The following LMF2 variants were observed in gnomAD, a reference collection of about 807,000 sequenced individuals.
LMF2 encodes the protein transmembrane protein 112B.
A neutral mutation model predicts 81.5 loss-of-function variants in LMF2; 113 were observed. The ratio of observed to expected loss-of-function variants is 1.39; its 90% CI spans 1.19 to 1.62. The LOEUF (loss-of-function observed/expected upper bound fraction) is 1.62, where lower values mean the gene tolerates loss of function less well. Among genes scored for constraint, LMF2 ranks in the 40% most tolerant of loss-of-function variants. The pLI is 0.00. For missense variants in LMF2, 1,235 were observed against 929.1 expected, an observed-to-expected ratio of 1.33 and a Z score of -4.28; for synonymous variants, 645 against 424.5, an observed-to-expected ratio of 1.52 and a Z score of -6.39.
intron 10 of LMF2, 25 bp downstream of exon 10, chr22:50,504,777 C>A: frequency 6.2e-7 from 1 of 1,603,826 alleles, no homozygotes; most frequent in Non-Finnish European, 8.5e-7. Context: ...GGCCCCACCA[C>A]CCTGCCCGCC....
At position 50,506,371 on chromosome 22, in the gene LMF2, A is replaced by G. The variant is rs755349560; in HGVS notation, c.509T>C (p.Leu170Pro). ...GAGGCGGAACAGCAGCCATCGCACC[A>G]GCCAGAAGGGGAGGTCTTCGTGGGG... ...ALPHEDLPFW[L>P]VRWLLFRLMF... is the part of the protein sequence containing the mutation. The change falls in exon 4 of 14, where the codon CTG (leucine) becomes CCG (proline). Residue 170 changes from leucine to proline, a missense_variant. Physicochemically the swap from Leu to Pro is moderately conservative, Grantham distance 98 (BLOSUM62 -3). Coordinates refer to ENST00000474879, the MANE Select transcript of LMF2 (RefSeq NM_033200.3). 1 of 1,549,816 alleles carries G rather than the reference A, an allele frequency of 6.5e-7. No individual in the cohort carries two copies. Among genetic ancestry groups the G allele is most frequent in the Middle Eastern group, 1.7e-4 (1 of 5,992 alleles).
chr22:50,504,779 C>A, intron 10 of LMF2, 23 bp downstream of exon 10: 1 of 1,603,916 alleles, frequency 6.2e-7, no homozygotes. Flanking sequence ...CCCCACCACC[C>A]TGCCCGCCCT....
rs566196885 is a variant in LMF2 at position 50,505,572 on chromosome 22, TC to T, written c.917-36del. 8.1e-5 allele frequency: 130 copies of T among 1,611,626 alleles called. No individual in the cohort carries two copies. In the African/African-American group the frequency reaches 1.2e-3, roughly 15 times the overall value. On this transcript the variant is annotated intron_variant, in intron 6 of 13. Transcript: ENST00000474879. ...AGGACAGTCATGGGTCAGCAGAGGG[TC>T]CCCAGCCAGGGGGCTGGGGTGCAGC...
At position 50,503,390 on chromosome 22, in the gene LMF2, G is replaced by A. The variant is rs753793468; in HGVS notation, c.*1C>T. On this transcript the variant is annotated 3_prime_UTR_variant, in exon 14 of 14. Transcript: ENST00000474879. ...CAGGACGTGCAGCTGGGAGAACACA[G>A]CTACTTCTTTCGCCGGGTGGTCCTC... 1.9e-6 allele frequency: 3 copies of A among 1,610,700 alleles called. No homozygotes were observed. In the South Asian group the frequency reaches 3.3e-5, roughly 18 times the overall value.
At position 50,503,050 on chromosome 22, in the gene LMF2, G is replaced by T; in HGVS notation, c.*341C>A. The T allele has an allele frequency of 3.4e-6, 1 of 294,926 alleles. No individual in the cohort carries two copies. Among genetic ancestry groups the T allele is most frequent in the Non-Finnish European group, 6.3e-6 (1 of 158,650 alleles). The allele number at this position is 294,926 out of a possible 1,614,324, so 18.3% of individuals were successfully genotyped here. On this transcript the variant is annotated 3_prime_UTR_variant, in exon 14 of 14. Coordinates refer to ENST00000474879, the MANE Select transcript of LMF2 (RefSeq NM_033200.3). ...ATGACAGTGCTTCCCCTCTTCCCCT[G>T]GGAGTCAGCCTCTTCCCCTCTGGCA...
chr22:50,507,086 A>T, intron 1 of LMF2, 51 bp from the exon 2 acceptor site: 3 of 1,540,504 alleles, frequency 1.9e-6, no homozygotes, highest in Non-Finnish European at 2.6e-6. Context: ...TGCAGACTAG[A>T]CTACCTCTGA....
chr22:50,503,390 G>C lies in LMF2; in HGVS notation c.*1C>G. The stretch of plus-strand genomic sequence containing the variant: ...CAGGACGTGCAGCTGGGAGAACACA[G>C]CTACTTCTTTCGCCGGGTGGTCCTC... On this transcript the variant is annotated 3_prime_UTR_variant, in exon 14 of 14. Transcript: ENST00000474879. The C allele has an allele frequency of 1.2e-6, 2 of 1,610,700 alleles. No homozygotes were observed. Among genetic ancestry groups the C allele is most frequent in the Non-Finnish European group, 1.7e-6 (2 of 1,179,110 alleles).
intron 11 of LMF2, 23 bp downstream of exon 11, chr22:50,504,536 C>T: frequency 6.5e-7 from 1 of 1,538,114 alleles, no homozygotes; most frequent in South Asian, 1.2e-5. Context: ...GCCCACTCCA[C>T]ACCCCCCAAG....
At position 50,505,346 on chromosome 22, in the gene LMF2, G is replaced by A. The variant is rs533455222; in HGVS notation, c.1052-12C>T. The A allele has an allele frequency of 3.1e-6, 5 of 1,613,202 alleles. No individual in the cohort carries two copies. In the East Asian group the frequency reaches 6.7e-5, roughly 22 times the overall value. On this transcript the variant is annotated splice_polypyrimidine_tract_variant and intron_variant, in intron 7 of 13. Coordinates refer to ENST00000474879, the MANE Select transcript of LMF2 (RefSeq NM_033200.3). ...GTGGAAGGTGAAAGCTGGTGGAGGA[G>A]GGGGGTGTGAGGACTGGTCCGCCCC...
chr22:50,506,303 C>T lies in LMF2; in HGVS notation c.577G>A (p.Ala193Thr), dbSNP rs1161838284. 10 of 1,549,488 alleles carry T rather than the reference C, an allele frequency of 6.5e-6. No individual in the cohort carries two copies. The highest frequency in any genetic ancestry group is 8.7e-6 in the Non-Finnish European group (10 of 1,146,620). Reference sequence around the variant, plus strand: ...CCCTCACCAGTGAGCCCCCACCACGCAGGGCAGCGGCTGGTCAGCTTGACC... The same window carrying T: ...CCCTCACCAGTGAGCCCCCACCACGTAGGGCAGCGGCTGGTCAGCTTGACC... ...GVVKLTSRCP[A>T]WWGLTALTYH... Residue 193 changes from alanine to threonine, a missense_variant, in exon 4 of 14, where the codon GCG becomes ACG. By Grantham distance (58) the Ala-to-Thr change is moderately conservative. Transcript: ENST00000474879.
At chr22:50,505,590 G>C in intron 6 of LMF2, 53 bp from the exon 7 acceptor site, 1 of 1,611,722 alleles carries the variant, frequency 6.2e-7, no homozygotes, top group South Asian at 1.1e-5. Flanking sequence ...CAGGGGGCTG[G>C]GGTGCAGCTA....
At chr22:50,505,873 A>G in intron 5 of LMF2, 58 bp from the exon 6 acceptor site, 2 of 1,600,732 alleles carry the variant, frequency 1.2e-6, no homozygotes, top group South Asian at 2.2e-5. Flanking sequence ...CGTGGCAGGC[A>G]CCCACCTCCA....
At position 50,504,101 on chromosome 22, in the gene LMF2, C is replaced by A. The variant is rs1490890192; in HGVS notation, c.1719-197G>T. 2.0e-4 allele frequency among the ~76,000 whole-genome samples: 3 copies of A among 15,196 alleles called. No individual in the cohort carries two copies. The highest frequency in any genetic ancestry group is 7.8e-4 in the Admixed American group (1 of 1,282). The allele number at this position is 15,196 out of a possible 152,430, so 10.0% of individuals were successfully genotyped here. ...CCCTGCACCCCGGGCTCCACACCCC[C>A]CCCAGTGCCCGGCCTTACCCCTGCA... is the stretch of plus-strand genomic sequence containing the variant. On this transcript the variant is annotated intron_variant, in intron 12 of 13. Transcript: ENST00000474879.
Position 50,504,820 on chromosome 22 carries a change from G to A in LMF2, c.1419C>T (p.Tyr473=), listed in dbSNP as rs778929583. 152 of 1,606,474 alleles carry A rather than the reference G, an allele frequency of 9.5e-5. 1 individual carries two copies. The highest frequency in any genetic ancestry group is 1.2e-4 in the Non-Finnish European group (142 of 1,175,462). Residue 473 remains tyrosine, a synonymous_variant, in exon 10 of 14, where the codon TAC becomes TAT. Transcript: ENST00000474879. The part of the protein sequence containing the change: ...GRPEVVLEGS[Y]DGHHWTEIEF... ...GGCTCACCGTCCAGTGGTGGCCGTC[G>A]TAACTGCCCTCCAGCACCACCTCAG...
rs138598801 is a variant in LMF2, at chr22:50,504,615, G to T, written c.1550C>A (p.Thr517Lys). Residue 517 changes from threonine (T) to lysine (K), a missense_variant, in exon 11 of 14, where the codon ACG becomes AAG. Physicochemically the swap from Thr to Lys is moderately conservative, Grantham distance 78 (BLOSUM62 -1). Coordinates refer to ENST00000474879, the MANE Select transcript of LMF2 (RefSeq NM_033200.3). ...QMWFAALGPH[T>K]HSPWFTSLVL... ...CAGGCTTGTGAACCACGGGCTGTGC[G>T]TGTGTGGGCCCAGGGCTGCAAACCA... 2 of 1,607,222 alleles carry T rather than the reference G, an allele frequency of 1.2e-6. No individual in the cohort carries two copies. The highest frequency in any genetic ancestry group is 1.7e-6 in the Non-Finnish European group (2 of 1,179,296).
intron 13 of LMF2, 26 bp from the exon 14 acceptor site, chr22:50,503,725 GTT>G: frequency 6.3e-7 from 1 of 1,581,022 alleles, no homozygotes; most frequent in Non-Finnish European, 8.6e-7. Context: ...AGGGAGGGAG[GTT>G]GGGGAAGTGC....
At position 50,503,542 on chromosome 22, in the gene LMF2, G is replaced by A. The variant is rs775457535; in HGVS notation, c.1973C>T (p.Pro658Leu). 1.7e-5 allele frequency: 27 copies of A among 1,560,436 alleles called. No individual in the cohort carries two copies. Among genetic ancestry groups the A allele is most frequent in the East Asian group, 2.3e-5 (1 of 44,092 alleles). Residue 658 changes from proline (P) to leucine (L), a missense_variant, in exon 14 of 14, where the codon CCC (proline) becomes CTC (leucine). By Grantham distance (98) the Pro-to-Leu change is moderately conservative. Coordinates refer to ENST00000474879, the MANE Select transcript of LMF2 (RefSeq NM_033200.3). ...AVRFVQALLA[P>L]CSLRSSPLAP... The stretch of plus-strand genomic sequence containing the variant: ...CAGCGGGGAGGACCGGAGAGAACAG[G>A]GTGCTAGCAGGGCTTGCACAAATCT...
At position 50,504,729 on chromosome 22, in the gene LMF2, T is replaced by C; in HGVS notation, c.1438-2A>G. 9 of 1,609,270 alleles carry C rather than the reference T, an allele frequency of 5.6e-6. No homozygotes were observed. Among genetic ancestry groups the C allele is most frequent in the Middle Eastern group, 1.7e-4 (1 of 6,032 alleles). On this transcript the variant is annotated splice_acceptor_variant, in intron 10 of 13. Transcript: ENST00000474879. LOFTEE classifies it high-confidence loss of function. ...AGGCTTGTACATGAACTCGATCTCCTGCCAGGCAGGCCGAGGTCAGCTGGG... is the reference window on the plus strand; with the variant it reads ...AGGCTTGTACATGAACTCGATCTCCCGCCAGGCAGGCCGAGGTCAGCTGGG...
At chr22:50,506,738 G>A in intron 2 of LMF2, 44 bp downstream of exon 2, 1 of 1,612,414 alleles carries the variant, frequency 6.2e-7, no homozygotes, top group Non-Finnish European at 8.5e-7. Flanking sequence ...GGGGTGGGTG[G>A]TGGGGGTTGG....
Sources: allele counts gnomAD v4.1 joint callset (sites outside exome capture counted in the v4.1 genomes callset), GRCh38; gene constraint gnomAD v4.1.1; transcripts MANE v1.5; gene names NCBI Gene and HGNC (gene_info 2026-07-23, HGNC 2026-07-21).